The following LRRC74B variants were observed in gnomAD, a reference collection of about 807,000 sequenced individuals.
The protein encoded by LRRC74B is leucine rich repeat containing 74B.
In LRRC74B, 30 loss-of-function variants were observed where a neutral mutation model predicts 16.6. The ratio of observed to expected loss-of-function variants is 1.80; its 90% CI spans 1.35 to 2.45. LRRC74B has a LOEUF of 2.45. Among genes scored for constraint, LRRC74B ranks in the 30% most tolerant of loss-of-function variants. The probability of loss-of-function intolerance (pLI) is 0.00; values close to 1 mark genes in which losing one functional copy is unlikely to be tolerated. For missense variants in LRRC74B, 326 were observed against 202.4 expected, an observed-to-expected ratio of 1.61 and a Z score of -3.71; for synonymous variants, 134 against 86.0, an observed-to-expected ratio of 1.56 and a Z score of -3.09.
At chr22:21,062,730 A>G (rs1930867673), downstream of LRRC74B, 2 of 151,312 alleles carry the variant, frequency 1.3e-5, no homozygotes, top group Non-Finnish European at 2.9e-5. Flanking sequence ...AAAAAAAAAA[A>G]AAAAAGGAAG....
intron 7 of LRRC74B, chr22:21,056,850 C>G (rs1353716895): frequency 4.5e-6 from 2 of 446,622 alleles, no homozygotes; most frequent in African/African-American, 2.0e-5. Flanking sequence ...CTCTCCCCAG[C>G]AGGCAAGTTC....
rs13054291 is a variant in LRRC74B, at chr22:21,059,145, T to C, written c.1024-1228T>C. ...GCTCATGCCTGTAATCCCAGAACTT[T>C]GGGAGGCCGAGGCAGGCAGATCACC... On this transcript the variant is annotated intron_variant, in intron 8 of 8. Coordinates refer to ENST00000442047, the Ensembl canonical transcript of LRRC74B. 4.5e-4 allele frequency among the ~76,000 whole-genome samples: 69 copies of C among 152,124 alleles called. 1 individual carries two copies. Among genetic ancestry groups the C allele is most frequent in the South Asian group, 2.1e-4 (1 of 4,808 alleles).
At chr22:21,053,401 C>T (rs1930226558) in exon 6 of LRRC74B, 1 of 717,512 alleles carries the variant, frequency 1.4e-6, no homozygotes, top group Non-Finnish European at 2.6e-6. Context: ...CATACAATGG[C>T]TTTGGGGATC....
At chr22:21,060,899 C>T (rs868282985), downstream of LRRC74B, among the ~76,000 whole-genome samples, 14 of 152,288 alleles carry the variant, frequency 9.2e-5, no homozygotes, top group Middle Eastern at 3.4e-3. Flanking sequence ...AGAATGCAAA[C>T]GGGCACAGCC....
At chr22:21,058,582 T>G (rs1158542570) in intron 8 of LRRC74B, among the ~76,000 whole-genome samples, 1 of 152,202 alleles carries the variant, frequency 6.6e-6, no homozygotes, top group Non-Finnish European at 1.5e-5. Flanking sequence ...CTGATTTTTT[T>G]CAACCCAGAC....
rs1930216183 is a variant in LRRC74B at position 21,053,307 on chromosome 22, G to A, written c.733-53G>A. The A allele has an allele frequency of 4.3e-6, 3 of 703,200 alleles. No homozygotes were observed. In the South Asian group the frequency reaches 4.7e-5, roughly 11 times the overall value. The allele number at this position is 703,200 out of a possible 1,614,324, so 43.6% of individuals were successfully genotyped here. On this transcript the variant is annotated intron_variant, in intron 5 of 8. Coordinates refer to ENST00000442047, the Ensembl canonical transcript of LRRC74B. ...CTGGTCTCTGAGGCTGTGGCACCCTGGCTTGCTCCACTGTCAGATGGGGTC... is the reference window on the plus strand; with the variant it reads ...CTGGTCTCTGAGGCTGTGGCACCCTAGCTTGCTCCACTGTCAGATGGGGTC...
intron 8 of LRRC74B, among the ~76,000 whole-genome samples, 184 bp from the exon 9 acceptor site, chr22:21,060,189 G>T (rs1249927841): frequency 1.3e-5 from 2 of 151,986 alleles, no homozygotes; most frequent in Admixed American, 6.6e-5. Flanking sequence ...AATACAGCAG[G>T]CCTCTAAACA....
chr22:21,054,497 T>A (rs1181806249), intron 6 of LRRC74B, among the ~76,000 whole-genome samples: 1 of 151,814 alleles, frequency 6.6e-6, no homozygotes, highest in Non-Finnish European at 1.5e-5. Flanking sequence ...GCCAGGGAGG[T>A]CATGGGCTGC....
At chr22:21,048,801 C>T in intron 3 of LRRC74B, 150 bp from the exon 4 acceptor site, 2 of 607,888 alleles carry the variant, frequency 3.3e-6, no homozygotes, top group East Asian at 5.5e-5. Flanking sequence ...GGGACCCAGC[C>T]ATTGGGAGCC....
At chr22:21,057,073 G>T (rs1930575995) in intron 7 of LRRC74B, 32 bp from the exon 8 acceptor site, 1 of 716,458 alleles carries the variant, frequency 1.4e-6, no homozygotes, top group African/African-American at 1.7e-5. Flanking sequence ...CCCGGACCTG[G>T]CTTCTCGCAG....
downstream of LRRC74B, chr22:21,064,124 T>G (rs977905323): frequency 1.3e-5 from 2 of 152,356 alleles, no homozygotes; most frequent in Non-Finnish European, 2.9e-5. Context: ...ACCCATTATC[T>G]TCCTGTTTCT....
Position 21,046,136 on chromosome 22 carries a change from G to A in LRRC74B, c.139+11G>A. On this transcript the variant is annotated intron_variant, in intron 1 of 8. Transcript: ENST00000442047. Reference sequence around the variant, plus strand: ...ACCTGGAGACGGAAGGTGCTCGGGGGAGGGGGCAGGCCCGACTCCTCCCCT... The same window carrying A: ...ACCTGGAGACGGAAGGTGCTCGGGGAAGGGGGCAGGCCCGACTCCTCCCCT... The A allele has an allele frequency of 1.4e-6, 1 of 716,192 alleles. No individual in the cohort carries two copies. Among genetic ancestry groups the A allele is most frequent in the Non-Finnish European group, 2.6e-6 (1 of 385,026 alleles). The allele number at this position is 716,192 out of a possible 1,614,324, so 44.4% of individuals were successfully genotyped here.
chr22:21,053,357 T>C lies in LRRC74B; in HGVS notation c.733-3T>C, dbSNP rs952464404. ...CCCATGACTTCACTCTTTGGTATTC[T>C]AGGCAAACATCTTCCTTAAAGTTCT... On this transcript the variant is annotated splice_polypyrimidine_tract_variant and splice_region_variant and intron_variant, in intron 5 of 8. Transcript: ENST00000442047. 5.6e-6 allele frequency: 4 copies of C among 716,712 alleles called. No individual in the cohort carries two copies. The highest frequency in any genetic ancestry group is 1.5e-5 in the South Asian group (1 of 67,230). 44.4% of individuals were successfully genotyped at this position (716,712 alleles called of 1,614,324 possible).
intron 7 of LRRC74B, among the ~76,000 whole-genome samples, chr22:21,056,167 G>T (rs935867623): frequency 1.4e-4 from 22 of 152,150 alleles, no homozygotes; most frequent in African/African-American, 4.8e-4. Flanking sequence ...AAAACTGTTG[G>T]AGTTTTATCC....
downstream of LRRC74B, chr22:21,061,626 G>A (rs2148168083): frequency 6.6e-6 from 1 of 152,320 alleles, no homozygotes; most frequent in Non-Finnish European, 1.5e-5. Context: ...ATAAGACCCT[G>A]TCTTTAAAAA....
chr22:21,056,960 T>C (rs1167872030), intron 7 of LRRC74B, 145 bp from the exon 8 acceptor site: 1 of 602,090 alleles, frequency 1.7e-6, no homozygotes, highest in East Asian at 2.8e-5. Context: ...TCTGTCTGAC[T>C]ATCTGATGGA....
intron 7 of LRRC74B, among the ~76,000 whole-genome samples, chr22:21,056,034 G>A (rs1035836354): frequency 1.3e-5 from 2 of 151,986 alleles, no homozygotes; most frequent in African/African-American, 4.8e-5. Flanking sequence ...CTTCTGCAGG[G>A]GCTCACCCTG....
At chr22:21,047,956 C>G (rs1411444397) in exon 3 of LRRC74B, 3 of 717,292 alleles carry the variant, frequency 4.2e-6, no homozygotes, top group Non-Finnish European at 7.8e-6. Context: ...AGACAATGGG[C>G]TCTGTGGGGC....
In LRRC74B at chr22:21,052,266, G is replaced by T. The variant is rs923436608; in HGVS notation, c.640G>T (p.Ala214Ser). ...TTCTGAAGGGGAGACACTTGGACCA[G>T]CCCTGGCAGAAAACACAGGACTCAC... Residue 214 changes from alanine to serine, a missense_variant, in exon 5 of 9, where the codon GCC becomes TCC. Physicochemically the swap from Ala to Ser is moderately conservative, Grantham distance 99 (BLOSUM62 1). Transcript: ENST00000442047. 14 of 717,414 alleles carry T rather than the reference G, an allele frequency of 2.0e-5. No individual in the cohort carries two copies. In the African/African-American group the frequency reaches 2.1e-4, roughly 11 times the overall value. The allele number at this position is 717,414 out of a possible 1,614,324, so 44.4% of individuals were successfully genotyped here.
Sources: gnomAD v4.1 joint callset for allele counts (sites outside exome capture counted in the v4.1 genomes callset) on GRCh38, gnomAD v4.1.1 for gene constraint, MANE v1.5 for transcripts, NCBI Gene and HGNC (gene_info 2026-07-23, HGNC 2026-07-21) for gene names.